Variants in SYNE1 observed in about 807,000 individuals in gnomAD.
SYNE1 encodes spectrin repeat containing nuclear envelope protein 1, also known as nesprin-1.
A neutral mutation model predicts 1,111.0 loss-of-function variants in SYNE1; 616 were observed. That is an observed-to-expected ratio of 0.55 (90% confidence interval 0.52 to 0.59). The LOEUF (loss-of-function observed/expected upper bound fraction) is 0.59, where lower values mean the gene tolerates loss of function less well. Among genes scored for constraint, SYNE1 ranks in the 20% least tolerant of loss-of-function variants. The pLI, the probability that SYNE1 is intolerant of heterozygous loss-of-function variation, is 0.00. For synonymous variants in SYNE1, 3,855 were observed against 3,825.8 expected, an observed-to-expected ratio of 1.01 and a Z score of -0.28; for missense variants, 10,006 against 10,417.0, an observed-to-expected ratio of 0.96 and a Z score of 1.72.
At chr6:152,470,504 G>A (rs138660473) in intron 16 of SYNE1, among the ~76,000 whole-genome samples, 1 of 152,226 alleles carries the variant, frequency 6.6e-6, no homozygotes, top group African/African-American at 2.4e-5. Flanking sequence ...AACAGATTTT[G>A]CATTTTGGAA....
In SYNE1 at chr6:152,450,778, A is replaced by G; in HGVS notation, c.3242T>C (p.Ile1081Thr). 1.2e-6 allele frequency: 2 copies of G among 1,614,104 alleles called. No homozygotes were observed. Among genetic ancestry groups the G allele is most frequent in the Non-Finnish European group, 1.7e-6 (2 of 1,180,020 alleles). The stretch of plus-strand genomic sequence containing the variant: ...TGGGAGTTTCACACAGAGTTCCTCG[A>G]TGAGCTGTAACCTTTTCTCACAGAG... ...HHLCEKRLQL[I>T]EELCVKLPVR... The change falls in exon 27 of 146, where the codon ATC becomes ACC. Residue 1081 changes from isoleucine to threonine, a missense_variant. Around this residue, in one of 7 missense-constraint regions of SYNE1, gnomAD observed 1,971 missense variants for 2,084.1 expected, o/e 0.95. Transcript: ENST00000367255.
chr6:152,232,151 A>G lies in SYNE1; in HGVS notation c.20827T>C (p.Tyr6943His). 6.2e-7 allele frequency: 1 copy of G among 1,604,062 alleles called. No individual in the cohort carries two copies. The highest frequency in any genetic ancestry group is 1.3e-5 in the African/African-American group (1 of 74,828). Residue 6943 changes from tyrosine (Y) to histidine (H), a missense_variant, in exon 113 of 146, where the codon TAC becomes CAC. Tyr to His is a moderately conservative substitution (Grantham distance 83). Coordinates refer to ENST00000367255, the MANE Select transcript of SYNE1 (RefSeq NM_182961.4). ...DEDNIKNSIG[Y>H]KAIHEYLQKY... ...TGAAGGTATTCATGAATTGCCTTGT[A>G]ACCTATGGAATTTTTAATATTATCT...
rs1042197737 is a variant in SYNE1, at chr6:152,256,147, G to A, written c.19105-401C>T. Among the ~76,000 whole-genome samples, 13 of 152,120 alleles carry A rather than the reference G, an allele frequency of 8.5e-5. 1 individual carries two copies. In the South Asian group the frequency reaches 2.1e-3, roughly 24 times the overall value. ...AACAGGAAACAGGATGGGGCCAGGC[G>A]CGGTGGCTCGCGCCTGTAATCCCAG... On this transcript the variant is annotated intron_variant, in intron 102 of 145. Coordinates refer to ENST00000367255, the MANE Select transcript of SYNE1 (RefSeq NM_182961.4).
At chr6:152,490,086 T>C (rs961616626) in intron 11 of SYNE1, among the ~76,000 whole-genome samples, 3 of 151,974 alleles carry the variant, frequency 2.0e-5, no homozygotes, top group African/African-American at 7.3e-5. Flanking sequence ...AAATAAACAA[T>C]AAAAATAACA....
At chr6:152,294,170 A>C (rs1327831333) in intron 93 of SYNE1, 43 bp from the exon 94 acceptor site, 1 of 1,600,322 alleles carries the variant, frequency 6.2e-7, no homozygotes, top group Admixed American at 1.7e-5. Flanking sequence ...AAAAAGACAA[A>C]GTCTAGATTA....
chr6:152,631,606 T>C (rs1463638426), intron 2 of SYNE1, among the ~76,000 whole-genome samples: 1 of 152,120 alleles, frequency 6.6e-6, no homozygotes, highest in Non-Finnish European at 1.5e-5. Context: ...ATCTCAGGAA[T>C]CCAGGTAGAA....
Position 152,323,531 on chromosome 6 carries a change from C to G in SYNE1, c.15864G>C (p.Gly5288=), listed in dbSNP as rs1408696239. Residue 5288 remains glycine, a synonymous_variant, in exon 82 of 146, where the codon GGG becomes GGC. Coordinates refer to ENST00000367255, the MANE Select transcript of SYNE1 (RefSeq NM_182961.4). ...TTTCCTGCATGAGCGGAGGCTCTTC[C>G]CCAGGGGTTGGGGCGGCTCCATCCT... ...MLQDGAAPTP[G]EEPPLMQEIT... is the part of the protein sequence containing the mutation. The G allele has an allele frequency of 6.2e-7, 1 of 1,614,140 alleles. No homozygotes were observed. Among genetic ancestry groups the G allele is most frequent in the Admixed American group, 1.7e-5 (1 of 60,022 alleles).
At position 152,384,870 on chromosome 6, in the gene SYNE1, A is replaced by C. The variant is rs976626481; in HGVS notation, c.8652+804T>G. Among the ~76,000 whole-genome samples, 11 of 140,170 alleles carry C rather than the reference A, an allele frequency of 7.8e-5. No individual in the cohort carries two copies. The East Asian group carries it at 1.5e-3, about 20-fold the overall frequency. 92.0% of individuals were successfully genotyped at this position (140,170 alleles called of 152,430 possible). A position where few individuals can be genotyped will look rare whatever the true frequency, so the allele number is the denominator to read the frequency against. On this transcript the variant is annotated intron_variant, in intron 55 of 145. Transcript: ENST00000367255. ...ACTCCAGCCTGGGTGACAGAGCAAGACTCCATTTCAAAAAAAAAAAAAAAT... is the reference window on the plus strand; with the variant it reads ...ACTCCAGCCTGGGTGACAGAGCAAGCCTCCATTTCAAAAAAAAAAAAAAAT...
chr6:152,527,560 A>G (rs373508282), intron 4 of SYNE1, among the ~76,000 whole-genome samples: 273 of 152,316 alleles, frequency 1.8e-3, no homozygotes, highest in African/African-American at 6.4e-3. Flanking sequence ...AATCAAAATT[A>G]TTGTTATTAG....
chr6:152,474,886 C>T (rs941697628), intron 14 of SYNE1, among the ~76,000 whole-genome samples: 23 of 151,870 alleles, frequency 1.5e-4, no homozygotes, highest in African/African-American at 5.1e-4. Context: ...AGACAAAAAG[C>T]AAAACCTCCT....
chr6:152,314,597 G>T (rs753538141), intron 87 of SYNE1, among the ~76,000 whole-genome samples: 3 of 152,054 alleles, frequency 2.0e-5, no homozygotes, highest in Admixed American at 6.5e-5. Context: ...ACTCCCTGGG[G>T]TGGGGACAGG....
Position 152,430,143 on chromosome 6 carries a change from G to T in SYNE1, c.4757C>A (p.Thr1586Lys), listed in dbSNP as rs77675624. Residue 1586 changes from threonine (T) to lysine (K), a missense_variant, in exon 36 of 146, where the codon ACA becomes AAA. Around this residue, in one of 7 missense-constraint regions of SYNE1, gnomAD observed 1,971 missense variants for 2,084.1 expected, o/e 0.95. Transcript: ENST00000367255. ...AVPIKICSSA[T>K]ETYKVLQEHM... ...TTCTTGAAGAACTTTGTATGTTTCT[G>T]TAGCTGAAGAACATATTTTAATTGG... 7,106 of 1,602,944 alleles carry T rather than the reference G, an allele frequency of 4.4e-3. 168 individuals carry two copies. In the East Asian group the frequency reaches 0.061, roughly 14 times the overall value.
At chr6:152,531,047 C>G (rs1484346225) in intron 4 of SYNE1, among the ~76,000 whole-genome samples, 1 of 152,118 alleles carries the variant, frequency 6.6e-6, no homozygotes, top group East Asian at 1.9e-4. Flanking sequence ...GTTATCAGAT[C>G]AACTGCCTCG....
intron 11 of SYNE1, among the ~76,000 whole-genome samples, chr6:152,489,222 A>G (rs1237326604): frequency 6.6e-6 from 1 of 152,232 alleles, no homozygotes; most frequent in Non-Finnish European, 1.5e-5. Flanking sequence ...ATCAAGATGT[A>G]GTGTCTCATA....
At position 152,326,116 on chromosome 6, in the gene SYNE1, A is replaced by G. The variant is rs775296787; in HGVS notation, c.15294-14T>C. On this transcript the variant is annotated splice_polypyrimidine_tract_variant and intron_variant, in intron 79 of 145. Transcript: ENST00000367255. ...TGAGCTGTGCATCTTGAAAGAGTCC[A>G]ACAGAAACTGATAAGTAGCACGAAA... is the stretch of plus-strand genomic sequence containing the variant. 13 of 1,613,996 alleles carry G rather than the reference A, an allele frequency of 8.1e-6. No individual in the cohort carries two copies. In the African/African-American group the frequency reaches 1.2e-4, roughly 15 times the overall value.
At chr6:152,368,877 G>C in intron 61 of SYNE1, 95 bp downstream of exon 61, 4 of 1,515,618 alleles carry the variant, frequency 2.6e-6, no homozygotes, top group South Asian at 1.1e-5. Context: ...CACTGTGGGC[G>C]GGTCAGGATG....
At chr6:152,133,763 A>T in intron 142 of SYNE1, 2 of 463,398 alleles carry the variant, frequency 4.3e-6, no homozygotes, top group Middle Eastern at 1.2e-3. Context: ...GTTAATGTAT[A>T]TATGACAGTA....
In SYNE1 at chr6:152,525,404, T is replaced by C. The variant is rs186174006; in HGVS notation, c.225+676A>G. ...CTGAATTCCTTTTTCCAAATTATGGTAAACATTATTTATAAATAATTTATG... is the reference window on the plus strand; with the variant it reads ...CTGAATTCCTTTTTCCAAATTATGGCAAACATTATTTATAAATAATTTATG... On this transcript the variant is annotated intron_variant, in intron 5 of 145. Coordinates refer to ENST00000367255, the MANE Select transcript of SYNE1 (RefSeq NM_182961.4). Among the ~76,000 whole-genome samples the C allele has an allele frequency of 3.3e-3, 503 of 152,308 alleles. 5 individuals are homozygous for C. Among genetic ancestry groups the C allele is most frequent in the African/African-American group, 0.01 (434 of 41,564 alleles).
At chr6:152,260,377 T>C (rs1033233056) in intron 101 of SYNE1, among the ~76,000 whole-genome samples, 20 of 152,050 alleles carry the variant, frequency 1.3e-4, no homozygotes, top group African/African-American at 4.8e-4. Flanking sequence ...TGAATTAAAA[T>C]ACAGGGAGGA....
Sources: gnomAD v4.1 joint callset for allele counts (sites outside exome capture counted in the v4.1 genomes callset) on GRCh38, gnomAD v4.1.1 for gene constraint, gnomAD v4.1.1 regional missense constraint, MANE v1.5 for transcripts, NCBI Gene and HGNC (gene_info 2026-07-23, HGNC 2026-07-21) for gene names.